The following TAFA2 variants were observed in gnomAD, a reference collection of about 807,000 sequenced individuals.
TAFA2 encodes chemokine-like protein TAFA-2.
A neutral mutation model predicts 18.8 loss-of-function variants in TAFA2; 7 were observed. That is an observed-to-expected ratio of 0.37 (90% CI 0.21 to 0.70). The LOEUF is 0.70. Ranked by LOEUF, TAFA2 falls within the 30% of genes least tolerant of loss-of-function variation. The probability of loss-of-function intolerance (pLI) is 0.53; values close to 1 mark genes in which losing one functional copy is unlikely to be tolerated. For missense variants in TAFA2, 122 were observed against 158.1 expected (o/e 0.77, Z 1.23); for synonymous variants, 60 against 54.2 (o/e 1.11, Z -0.47).
intron 1 of TAFA2, chr12:62,235,082 C>G (rs2062830659): frequency 1.6e-6 from 1 of 624,576 alleles, no homozygotes; most frequent in East Asian, 3.5e-5. Context: ...GCCTGAAGGC[C>G]CTGGCCACCT....
chr12:62,040,138 T>A (rs2136758041), intron 1 of TAFA2, among the ~76,000 whole-genome samples: 1 of 152,180 alleles, frequency 6.6e-6, no homozygotes, highest in Admixed American at 6.5e-5. Flanking sequence ...AAAAGTGAAA[T>A]AGCCAGGGTC....
chr12:62,099,588 C>G (rs1869099250), intron 1 of TAFA2, among the ~76,000 whole-genome samples: 1 of 152,172 alleles, frequency 6.6e-6, no homozygotes. Context: ...ATAAATTTAA[C>G]TTCCAGTCGG....
chr12:62,128,254 A>G (rs972405038), intron 1 of TAFA2, among the ~76,000 whole-genome samples: 3 of 152,010 alleles, frequency 2.0e-5, no homozygotes, highest in African/African-American at 7.2e-5. Context: ...TTCATTGTCT[A>G]TTCGATGTTA....
At chr12:62,017,743 T>A (rs191596769) in intron 1 of TAFA2, among the ~76,000 whole-genome samples, 1 of 152,292 alleles carries the variant, frequency 6.6e-6, no homozygotes, top group African/African-American at 2.4e-5. Context: ...ATAGCATATA[T>A]TTTTATAAAC....
At chr12:61,992,237 T>G (rs893154858) in intron 1 of TAFA2, among the ~76,000 whole-genome samples, 1 of 152,178 alleles carries the variant, frequency 6.6e-6, no homozygotes, top group Non-Finnish European at 1.5e-5. Flanking sequence ...AGCTAATGTG[T>G]CCTATAGAAT....
chr12:61,862,032 T>G (rs1385377047), intron 2 of TAFA2, among the ~76,000 whole-genome samples: 1 of 152,180 alleles, frequency 6.6e-6, no homozygotes, highest in African/African-American at 2.4e-5. Context: ...TAAAAATTCT[T>G]TTCCAAACCC....
chr12:61,949,582 C>A (rs1397986915), intron 1 of TAFA2, among the ~76,000 whole-genome samples: 2 of 152,100 alleles, frequency 1.3e-5, no homozygotes, highest in East Asian at 3.9e-4. Flanking sequence ...TACCATCAAG[C>A]CTCCTTACAA....
At chr12:62,157,852 C>T (rs753297540) in intron 1 of TAFA2, among the ~76,000 whole-genome samples, 46 of 152,060 alleles carry the variant, frequency 3.0e-4, no homozygotes, top group Non-Finnish European at 8.8e-5. Flanking sequence ...TACGTCTTCC[C>T]GCTGATTAGA....
In TAFA2 at chr12:62,049,709, C is replaced by A. The variant is rs1592305147; in HGVS notation, c.-2+141550G>T. On this transcript the variant is annotated intron_variant, in intron 1 of 4. Coordinates refer to ENST00000416284, the MANE Select transcript of TAFA2 (RefSeq NM_178539.5). ...CATATACAGGAAAAACAGAAGGCTA[C>A]AAAAACCGAGTTTTCAGTATGAAGT... 3.9e-5 allele frequency among the ~76,000 whole-genome samples: 6 copies of A among 152,120 alleles called. 1 individual carries two copies. In the Middle Eastern group the frequency reaches 0.017, roughly 431 times the overall value.
chr12:61,940,201 T>C lies in TAFA2; in HGVS notation c.-1-72775A>G, dbSNP rs139314169. On this transcript the variant is annotated intron_variant, in intron 1 of 4. Coordinates refer to ENST00000416284, the MANE Select transcript of TAFA2 (RefSeq NM_178539.5). ...AGTGGCAGTGCCAGCTTCATAGACA[T>C]GTAATGTGTGCAATTGCATAAGGTC... Among the ~76,000 whole-genome samples the C allele has an allele frequency of 4.8e-3, 736 of 152,272 alleles. 6 individuals are homozygous for C. The highest frequency in any genetic ancestry group is 0.017 in the African/African-American group (711 of 41,554).
intron 4 of TAFA2, among the ~76,000 whole-genome samples, chr12:61,727,362 T>G (rs1296173350): frequency 6.0e-5 from 9 of 149,500 alleles, no homozygotes; most frequent in Non-Finnish European, 7.5e-5. Context: ...CTTTTTTTTT[T>G]GACAATTTTT....
chr12:61,871,888 C>G lies in TAFA2; in HGVS notation c.-1-4462G>C, dbSNP rs190340559. Among the ~76,000 whole-genome samples, 15 of 152,136 alleles carry G rather than the reference C, an allele frequency of 9.9e-5. No homozygotes were observed. In the South Asian group the frequency reaches 3.1e-3, roughly 32 times the overall value. On this transcript the variant is annotated intron_variant, in intron 1 of 4. Transcript: ENST00000416284. ...TGGGTGGATCACAAGGTCAGGAGAT[C>G]GAGACCATCCTGGCTAACACAGTGA...
At chr12:61,867,256 A>G (rs1035503207) in intron 2 of TAFA2, 64 bp downstream of exon 2, 39 of 1,046,886 alleles carry the variant, frequency 3.7e-5, no homozygotes, top group Non-Finnish European at 5.5e-5. Flanking sequence ...GGCAAAACAT[A>G]ACAGTCTGTG....
At chr12:62,076,382 A>G (rs1868248752) in intron 1 of TAFA2, among the ~76,000 whole-genome samples, 6 of 152,212 alleles carry the variant, frequency 3.9e-5, no homozygotes, top group Admixed American at 2.0e-4. Context: ...TTTAAAATAA[A>G]TACATAAATA....
chr12:61,754,095 C>T (rs1869147780), intron 3 of TAFA2, among the ~76,000 whole-genome samples: 1 of 151,798 alleles, frequency 6.6e-6, no homozygotes, highest in African/African-American at 2.4e-5. Context: ...TGAAAATAAA[C>T]TATGCAAATG....
chr12:61,937,462 G>A (rs1877816288), intron 1 of TAFA2, among the ~76,000 whole-genome samples: 1 of 152,106 alleles, frequency 6.6e-6, no homozygotes, highest in Admixed American at 6.6e-5. Flanking sequence ...TGGACACATA[G>A]ACTAGTGCAA....
chr12:62,106,370 AC>A (rs377324790), intron 1 of TAFA2, among the ~76,000 whole-genome samples: 215 of 152,142 alleles, frequency 1.4e-3, no homozygotes, highest in African/African-American at 5.1e-3. Context: ...AAACAAAAAA[AC>A]AAAAACAAAA....
chr12:61,871,775 C>T (rs976609397), intron 1 of TAFA2, among the ~76,000 whole-genome samples: 36 of 152,162 alleles, frequency 2.4e-4, no homozygotes, highest in African/African-American at 8.7e-4. Flanking sequence ...ATTTGAAACG[C>T]TTCTCATCCC....
At chr12:62,213,989 T>G (rs1450066655) in intron 1 of TAFA2, among the ~76,000 whole-genome samples, 1 of 152,190 alleles carries the variant, frequency 6.6e-6, no homozygotes, top group Non-Finnish European at 1.5e-5. Flanking sequence ...GTTTGCATCA[T>G]TACCAGTATG....
Sources: gnomAD v4.1 joint callset for allele counts (sites outside exome capture counted in the v4.1 genomes callset) on GRCh38, gnomAD v4.1.1 for gene constraint, MANE v1.5 for transcripts, NCBI Gene and HGNC (gene_info 2026-07-23, HGNC 2026-07-21) for gene names.